CACNA1C: variants seen among roughly 807,000 people sequenced by gnomAD.
CACNA1C encodes calcium voltage-gated channel subunit alpha1 C.
In CACNA1C, 30 loss-of-function variants were observed where a neutral mutation model predicts 229.0. The observed-to-expected ratio is 0.13, with a 90% CI of 0.10 to 0.18. CACNA1C has a LOEUF of 0.18. Ranked by LOEUF, CACNA1C falls within the 10% of genes least tolerant of loss-of-function variation. The pLI, the probability that CACNA1C is intolerant of heterozygous loss-of-function variation, is 1.00. For missense variants in CACNA1C, 1,658 were observed against 2,845.0 expected, an observed-to-expected ratio of 0.58 and a Z score of 9.49; for synonymous variants, 1,114 against 1,132.5, an observed-to-expected ratio of 0.98 and a Z score of 0.33.
At chr12:2,366,226 C>T (rs1397930077) in intron 3 of CACNA1C, among the ~76,000 whole-genome samples, 1 of 152,162 alleles carries the variant, frequency 6.6e-6, no homozygotes, top group Non-Finnish European at 1.5e-5. Flanking sequence ...TTTAACCTTT[C>T]TGAACTTCAC....
intron 3 of CACNA1C, among the ~76,000 whole-genome samples, chr12:2,307,306 AT>A (rs924114054): frequency 5.3e-5 from 8 of 152,160 alleles, no homozygotes; most frequent in African/African-American, 1.9e-4. Flanking sequence ...AAAGCATTTC[AT>A]TGCCAAAAAG....
chr12:2,325,978 G>A (rs911595563), intron 3 of CACNA1C, among the ~76,000 whole-genome samples: 1 of 152,214 alleles, frequency 6.6e-6, no homozygotes, highest in African/African-American at 2.4e-5. Flanking sequence ...GCAAACATCA[G>A]CCTGGCCAGC....
At chr12:2,582,674 GGGA>G (rs2060968904) in intron 14 of CACNA1C, 145 bp from the exon 15 acceptor site, 1 of 747,740 alleles carries the variant, frequency 1.3e-6, no homozygotes, top group Non-Finnish European at 2.2e-6. Flanking sequence ...AGAGCCCCTG[GGGA>G]GGAGAATTGG....
chr12:2,623,173 T>G (rs2084296234), intron 29 of CACNA1C, among the ~76,000 whole-genome samples: 2 of 152,278 alleles, frequency 1.3e-5, no homozygotes, highest in South Asian at 4.1e-4. Context: ...GGACAAGGGT[T>G]TAGGATTTGG....
chr12:2,365,216 A>AG (rs1298376050), intron 3 of CACNA1C, among the ~76,000 whole-genome samples: 1 of 152,158 alleles, frequency 6.6e-6, no homozygotes, highest in Non-Finnish European at 1.5e-5. Flanking sequence ...AGGAGGCTGT[A>AG]GGAGAGTAAG....
At chr12:2,629,025 A>T (rs2088881327) in intron 29 of CACNA1C, among the ~76,000 whole-genome samples, 1 of 152,160 alleles carries the variant, frequency 6.6e-6, no homozygotes, top group African/African-American at 2.4e-5. Flanking sequence ...TTCCCTAGGT[A>T]TTGGTCCTCA....
intron 29 of CACNA1C, among the ~76,000 whole-genome samples, chr12:2,615,235 C>T (rs1375899879): frequency 6.6e-6 from 1 of 152,210 alleles, no homozygotes; most frequent in Admixed American, 6.5e-5. Context: ...ACGAAAAGTG[C>T]TGGCTGGAAT....
chr12:2,328,015 C>T (rs747424513), intron 3 of CACNA1C, among the ~76,000 whole-genome samples: 1 of 152,326 alleles, frequency 6.6e-6, no homozygotes, highest in South Asian at 2.1e-4. Flanking sequence ...AACATATCTT[C>T]CAGATGCCCT....
chr12:1,978,566 A>G (rs1325177676), intron 1 of CACNA1C, among the ~76,000 whole-genome samples: 2 of 152,188 alleles, frequency 1.3e-5, no homozygotes, highest in Non-Finnish European at 2.9e-5. Context: ...AAATGCACAG[A>G]TCTTAAAGTG....
At chr12:2,238,022 A>G (rs148226212) in intron 3 of CACNA1C, among the ~76,000 whole-genome samples, 1 of 152,270 alleles carries the variant, frequency 6.6e-6, no homozygotes, top group Non-Finnish European at 1.5e-5. Flanking sequence ...TCCTATCTGT[A>G]TGTTCTTTAA....
chr12:2,498,288 A>G (rs2099751431), intron 7 of CACNA1C, among the ~76,000 whole-genome samples: 1 of 152,222 alleles, frequency 6.6e-6, no homozygotes, highest in Admixed American at 6.5e-5. Flanking sequence ...ATCGGAGTAG[A>G]GACCGTGTTA....
chr12:2,469,700 G>A (rs903464552), intron 5 of CACNA1C, among the ~76,000 whole-genome samples: 1 of 152,212 alleles, frequency 6.6e-6, no homozygotes, highest in African/African-American at 2.4e-5. Context: ...ACATCCAAAA[G>A]TATAATGCCT....
chr12:2,068,623 C>T (rs2060219435), intron 1 of CACNA1C, among the ~76,000 whole-genome samples: 1 of 152,210 alleles, frequency 6.6e-6, no homozygotes, highest in Admixed American at 6.5e-5. Flanking sequence ...CAAGTCCTTG[C>T]CTTTGTTCTT....
intron 3 of CACNA1C, among the ~76,000 whole-genome samples, chr12:2,281,069 G>A (rs1022915930): frequency 3.3e-5 from 5 of 151,830 alleles, no homozygotes; most frequent in South Asian, 2.1e-4. Flanking sequence ...CCAGTAACTC[G>A]TCATTTAACA....
intron 1 of CACNA1C, among the ~76,000 whole-genome samples, chr12:2,039,385 A>C (rs974730310): frequency 6.6e-6 from 1 of 152,198 alleles, no homozygotes; most frequent in Non-Finnish European, 1.5e-5. Context: ...CTCTTTTACC[A>C]GCCTGTAATA....
chr12:2,629,680 C>A (rs898506326), intron 29 of CACNA1C, among the ~76,000 whole-genome samples: 1 of 152,184 alleles, frequency 6.6e-6, no homozygotes, highest in African/African-American at 2.4e-5. Context: ...AGCTTTTCAC[C>A]AGTATGCTGC....
chr12:2,273,804 C>T (rs747363950), intron 3 of CACNA1C, among the ~76,000 whole-genome samples: 5 of 152,194 alleles, frequency 3.3e-5, no homozygotes, highest in Non-Finnish European at 7.3e-5. Context: ...TCCCTGACCC[C>T]GGGCTTGGTT....
intron 9 of CACNA1C, among the ~76,000 whole-genome samples, chr12:2,536,533 A>G (rs2099855911): frequency 6.6e-6 from 1 of 152,190 alleles, no homozygotes; most frequent in Admixed American, 6.5e-5. Context: ...TCTCACCTAT[A>G]CAATGAAGGG....
At chr12:2,343,038 C>T (rs2096908864) in intron 3 of CACNA1C, among the ~76,000 whole-genome samples, 1 of 152,216 alleles carries the variant, frequency 6.6e-6, no homozygotes, top group Non-Finnish European at 1.5e-5. Flanking sequence ...AAGCAAGCAA[C>T]AGACTGAAGC....
Sources: gnomAD v4.1 joint callset for allele counts (sites outside exome capture counted in the v4.1 genomes callset) on GRCh38, gnomAD v4.1.1 for gene constraint, MANE v1.5 for transcripts, NCBI Gene and HGNC (gene_info 2026-07-23, HGNC 2026-07-21) for gene names.